Variants in COL14A1 observed in about 807,000 individuals in gnomAD.
COL14A1 encodes collagen alpha-1(XIV) chain.
COL14A1 carries 136 observed loss-of-function variants against 230.3 expected under a neutral mutation model. That is an observed-to-expected ratio of 0.59 (90% CI 0.51 to 0.68). The LOEUF is 0.68. Ranked by LOEUF, COL14A1 falls within the 30% of genes least tolerant of loss-of-function variation. COL14A1 has a pLI of 0.00. For synonymous variants in COL14A1, 792 were observed against 784.1 expected (o/e 1.01, Z -0.17); for missense variants, 1,976 against 2,215.8 (o/e 0.89, Z 2.17).
At chr8:120,331,461 T>A (rs1045881622) in intron 40 of COL14A1, among the ~76,000 whole-genome samples, 2 of 152,200 alleles carry the variant, frequency 1.3e-5, no homozygotes, top group Non-Finnish European at 2.9e-5. Flanking sequence ...ATCCCAGCTT[T>A]TGTAGTTTTT....
At chr8:120,330,509 C>G (rs145544353) in intron 40 of COL14A1, among the ~76,000 whole-genome samples, 12 of 152,250 alleles carry the variant, frequency 7.9e-5, no homozygotes, top group African/African-American at 2.2e-4. Context: ...AGGGGAACCC[C>G]ATTTATAAAA....
chr8:120,245,991 G>A (rs551003513), intron 20 of COL14A1, among the ~76,000 whole-genome samples: 2 of 152,276 alleles, frequency 1.3e-5, no homozygotes, highest in African/African-American at 4.8e-5. Context: ...AATGGAAGGA[G>A]GGTTGAAAAC....
At chr8:120,203,428 T>C (rs923923982) in intron 8 of COL14A1, among the ~76,000 whole-genome samples, 1 of 152,138 alleles carries the variant, frequency 6.6e-6, no homozygotes, top group Non-Finnish European at 1.5e-5. Flanking sequence ...GTACATATGC[T>C]CGCTCTTCCC....
intron 37 of COL14A1, among the ~76,000 whole-genome samples, chr8:120,312,306 A>G (rs1821070014): frequency 6.6e-6 from 1 of 152,034 alleles, no homozygotes; most frequent in South Asian, 2.1e-4. Flanking sequence ...CTCACCTCCC[A>G]AAGAATTCTC....
chr8:120,212,940 C>G (rs2130767506), intron 13 of COL14A1, among the ~76,000 whole-genome samples: 1 of 152,206 alleles, frequency 6.6e-6, no homozygotes, highest in Non-Finnish European at 1.5e-5. Flanking sequence ...ATTGATACAA[C>G]TTTTTTGATT....
chr8:120,147,756 T>C, intron 1 of COL14A1, 50 bp from the exon 2 acceptor site: 1 of 923,344 alleles, frequency 1.1e-6, no homozygotes. Flanking sequence ...TGATTACATA[T>C]ACTTTATTTT....
rs1819913486 is a variant in COL14A1, at chr8:120,278,186, C to T, written c.3289C>T (p.Leu1097Phe). ...LNAYKTKETL[L>F]DAIKHISYKG... Reference sequence around the variant, plus strand: ...TGCTTACAAAACCAAAGAGACTCTTCTTGATGCAATTAAACACATTTCATA... The same window carrying T: ...TGCTTACAAAACCAAAGAGACTCTTTTTGATGCAATTAAACACATTTCATA... Residue 1097 changes from leucine (L) to phenylalanine (F), a missense_variant, in exon 27 of 48, where the codon CTT (leucine) becomes TTT (phenylalanine). Leu to Phe is a conservative substitution (Grantham distance 22). Coordinates refer to ENST00000297848, the MANE Select transcript of COL14A1 (RefSeq NM_021110.4). The T allele has an allele frequency of 6.2e-7, 1 of 1,611,882 alleles. No individual in the cohort carries two copies. The highest frequency in any genetic ancestry group is 8.5e-7 in the Non-Finnish European group (1 of 1,178,946).
intron 25 of COL14A1, among the ~76,000 whole-genome samples, chr8:120,268,424 T>C (rs1819562129): frequency 6.6e-6 from 1 of 151,656 alleles, no homozygotes; most frequent in Non-Finnish European, 1.5e-5. Flanking sequence ...CAGAGTATTT[T>C]TATTTATAGC....
intron 42 of COL14A1, among the ~76,000 whole-genome samples, chr8:120,337,529 C>T (rs142665847): frequency 2.6e-5 from 4 of 152,134 alleles, no homozygotes; most frequent in Non-Finnish European, 5.9e-5. Flanking sequence ...TCATGGAAGA[C>T]GTTTCAAGCC....
intron 1 of COL14A1, among the ~76,000 whole-genome samples, chr8:120,147,381 A>G (rs1815131888): frequency 6.6e-6 from 1 of 152,186 alleles, no homozygotes; most frequent in African/African-American, 2.4e-5. Flanking sequence ...AAGGTCCTAT[A>G]TATTTGTTCT....
Position 120,167,249 on chromosome 8 carries a change from GAATGGAAC to G in COL14A1, c.350-908_350-901del, listed in dbSNP as rs1815930669. Among the ~76,000 whole-genome samples, 3 of 152,142 alleles carry G rather than the reference GAATGGAAC, an allele frequency of 2.0e-5. No individual in the cohort carries two copies. The South Asian group carries it at 6.2e-4, about 32-fold the overall frequency. On this transcript the variant is annotated intron_variant, in intron 4 of 47. Coordinates refer to ENST00000297848, the MANE Select transcript of COL14A1 (RefSeq NM_021110.4). Reference sequence around the variant, plus strand: ...GAGGAGGATGTGATAAAGACAGGATGAATGGAACAATATCCTGGAGAAGGCAGCAAGGG... The same window carrying G: ...GAGGAGGATGTGATAAAGACAGGATGAATATCCTGGAGAAGGCAGCAAGGG...
At chr8:120,268,816 T>C (rs1563707225) in intron 25 of COL14A1, among the ~76,000 whole-genome samples, 1 of 151,808 alleles carries the variant, frequency 6.6e-6, no homozygotes, top group African/African-American at 2.4e-5. Flanking sequence ...GAGTGTATTT[T>C]TTAATAGAAT....
chr8:120,286,585 C>G (rs1820211257), intron 33 of COL14A1, among the ~76,000 whole-genome samples: 1 of 152,146 alleles, frequency 6.6e-6, no homozygotes, highest in Admixed American at 6.5e-5. Flanking sequence ...TCTTGGCTCA[C>G]TACAAGCTCT....
intron 8 of COL14A1, among the ~76,000 whole-genome samples, chr8:120,200,750 T>A (rs1817219699): frequency 2.3e-5 from 2 of 85,892 alleles, no homozygotes; most frequent in African/African-American, 8.5e-5. Context: ...TATATATATA[T>A]ATATATATAT....
At chr8:120,151,096 C>T (rs553389146) in intron 2 of COL14A1, among the ~76,000 whole-genome samples, 3 of 151,900 alleles carry the variant, frequency 2.0e-5, no homozygotes, top group East Asian at 1.9e-4. Flanking sequence ...GGTGGCTGCA[C>T]GCTGGGGGAA....
chr8:120,357,073 G>T (rs1320132804), intron 45 of COL14A1, among the ~76,000 whole-genome samples: 1 of 152,154 alleles, frequency 6.6e-6, no homozygotes, highest in Non-Finnish European at 1.5e-5. Flanking sequence ...GTGAGCTATT[G>T]CTGTGTAACA....
chr8:120,280,614 G>T, intron 29 of COL14A1, 97 bp from the exon 30 acceptor site: 1 of 1,159,354 alleles, frequency 8.6e-7, no homozygotes, highest in East Asian at 2.4e-5. Context: ...ATCAACTTCT[G>T]GAAAGATTGT....
chr8:120,193,265 G>C (rs1389371240), intron 5 of COL14A1, among the ~76,000 whole-genome samples: 5 of 152,210 alleles, frequency 3.3e-5, no homozygotes. Flanking sequence ...CCTTCTAACA[G>C]ACAGGACGCT....
intron 15 of COL14A1, among the ~76,000 whole-genome samples, chr8:120,225,672 AT>A (rs1290065688): frequency 6.6e-6 from 1 of 152,160 alleles, no homozygotes; most frequent in East Asian, 1.9e-4. Context: ...TCTTCATATA[AT>A]AATAAGTAAT....
Sources: allele counts gnomAD v4.1 joint callset (sites outside exome capture counted in the v4.1 genomes callset), GRCh38; gene constraint gnomAD v4.1.1; transcripts MANE v1.5; gene names NCBI Gene and HGNC (gene_info 2026-07-23, HGNC 2026-07-21).